MBNL2: variants seen among roughly 807,000 people sequenced by gnomAD.
The protein encoded by MBNL2 is muscleblind-like protein 2.
MBNL2 carries 17 observed loss-of-function variants against 41.9 expected under a neutral mutation model. The observed-to-expected ratio is 0.41, with a 90% CI of 0.28 to 0.61. The LOEUF is 0.61. MBNL2 is among the 20% of genes least tolerant of loss of function. The pLI is 0.35. For synonymous variants in MBNL2, 195 were observed against 182.9 expected (o/e 1.07, Z -0.53); for missense variants, 336 against 505.6 (o/e 0.66, Z 3.22).
the MBNL2 span, among the ~76,000 whole-genome samples, chr13:97,168,461 C>T: frequency 3.3e-5 from 5 of 152,108 alleles, no homozygotes; most frequent in South Asian, 1.0e-3. Flanking sequence ...TTTTGCACTC[C>T]CCATCCTTAT....
intron 2 of MBNL2, among the ~76,000 whole-genome samples, chr13:97,295,336 T>C (rs1258316436): frequency 6.6e-6 from 1 of 151,846 alleles, no homozygotes; most frequent in Non-Finnish European, 1.5e-5. Context: ...TTTTTTTTTC[T>C]ATACCAAAGA....
the MBNL2 span, among the ~76,000 whole-genome samples, chr13:97,198,796 T>G: frequency 6.6e-6 from 1 of 152,118 alleles, no homozygotes; most frequent in Non-Finnish European, 1.5e-5. Flanking sequence ...TCAAAATATA[T>G]GCAGACCCTC....
the MBNL2 span, among the ~76,000 whole-genome samples, chr13:97,164,998 G>C: frequency 6.6e-6 from 1 of 152,178 alleles, no homozygotes; most frequent in African/African-American, 2.4e-5. Context: ...GCGGTCAGGA[G>C]TTCAAGACAA....
chr13:97,154,290 AT>A, the MBNL2 span, among the ~76,000 whole-genome samples: 13 of 151,998 alleles, frequency 8.6e-5, no homozygotes, highest in East Asian at 2.5e-3. Flanking sequence ...TTTTAACCCC[AT>A]TTTTTACCCG....
chr13:97,363,748 G>A (rs967156305), intron 7 of MBNL2, among the ~76,000 whole-genome samples: 1 of 152,126 alleles, frequency 6.6e-6, no homozygotes, highest in African/African-American at 2.4e-5. Context: ...GCTGGAGAAA[G>A]GTTTAAGTTG....
In MBNL2 at chr13:97,250,290, C is replaced by T. The variant is rs114949196; in HGVS notation, c.-604-25342C>T. 3.2e-3 allele frequency among the ~76,000 whole-genome samples: 490 copies of T among 152,254 alleles called. 1 individual carries two copies. The highest frequency in any genetic ancestry group is 9.6e-3 in the African/African-American group (399 of 41,568). ...TCATTGGTTCTATTTTATTTGCTGACAGTGCACTTTACTGCATCAAATTCA... is the reference window on the plus strand; with the variant it reads ...TCATTGGTTCTATTTTATTTGCTGATAGTGCACTTTACTGCATCAAATTCA... On this transcript the variant is annotated intron_variant, in intron 1 of 8. Transcript: ENST00000679496.
intron 1 of MBNL2, among the ~76,000 whole-genome samples, chr13:97,258,660 C>T (rs1183818924): frequency 6.6e-6 from 1 of 152,200 alleles, no homozygotes; most frequent in Non-Finnish European, 1.5e-5. Flanking sequence ...GTCTTCTGAA[C>T]CCTTGGATCC....
chr13:97,294,571 G>A (rs1424340091), intron 2 of MBNL2, among the ~76,000 whole-genome samples: 2 of 152,154 alleles, frequency 1.3e-5, no homozygotes, highest in East Asian at 3.8e-4. Context: ...TATTCCTTCG[G>A]GGACTTATGG....
the MBNL2 span, among the ~76,000 whole-genome samples, chr13:97,146,943 T>G: frequency 6.6e-6 from 1 of 152,236 alleles, no homozygotes; most frequent in Non-Finnish European, 1.5e-5. Context: ...GGGTTCCTGC[T>G]ATGCTATGGA....
chr13:97,160,592 A>G, the MBNL2 span, among the ~76,000 whole-genome samples: 11 of 152,144 alleles, frequency 7.2e-5, no homozygotes, highest in African/African-American at 2.7e-4. Context: ...ACACATACCC[A>G]TAAAATTAGG....
chr13:97,165,823 T>C, the MBNL2 span, among the ~76,000 whole-genome samples: 1 of 151,952 alleles, frequency 6.6e-6, no homozygotes, highest in Non-Finnish European at 1.5e-5. Flanking sequence ...CCTTGTCTAG[T>C]CTCTTTATTT....
chr13:97,389,934 G>A (rs1472064331), intron 8 of MBNL2, among the ~76,000 whole-genome samples: 2 of 151,610 alleles, frequency 1.3e-5, no homozygotes, highest in East Asian at 1.9e-4. Context: ...TTACCTATTG[G>A]CAATGATAAT....
intron 1 of MBNL2, among the ~76,000 whole-genome samples, chr13:97,248,107 T>C (rs1265598154): frequency 1.3e-5 from 2 of 152,226 alleles, no homozygotes; most frequent in Non-Finnish European, 2.9e-5. Flanking sequence ...TATACGTATG[T>C]GTGTGTATAC....
Position 97,391,482 on chromosome 13 carries a change from C to A in MBNL2, c.*33C>A. ...TGTAGTTCTTCTGGACAGACCACAA[C>A]TCTAAGAAGCTAGTGCTGCTATCTC... On this transcript the variant is annotated 3_prime_UTR_variant, in exon 9 of 9. Transcript: ENST00000679496. 2 of 879,574 alleles carry A rather than the reference C, an allele frequency of 2.3e-6. No homozygotes were observed. The highest frequency in any genetic ancestry group is 3.9e-6 in the Non-Finnish European group (2 of 513,424). 54.5% of individuals were successfully genotyped at this position (879,574 alleles called of 1,614,324 possible).
chr13:97,213,317 A>G, the MBNL2 span, among the ~76,000 whole-genome samples: 2 of 152,320 alleles, frequency 1.3e-5, no homozygotes, highest in African/African-American at 4.8e-5. Flanking sequence ...GAACAGGAAA[A>G]AAAAACCATT....
intron 1 of MBNL2, among the ~76,000 whole-genome samples, chr13:97,251,715 G>A (rs1196763976): frequency 6.6e-6 from 1 of 151,810 alleles, no homozygotes; most frequent in Non-Finnish European, 1.5e-5. Flanking sequence ...GGTGAATAGA[G>A]CAAGTTGAGT....
At chr13:97,173,356 C>G in the MBNL2 span, among the ~76,000 whole-genome samples, 5 of 152,214 alleles carry the variant, frequency 3.3e-5, no homozygotes, top group Admixed American at 6.5e-5. Flanking sequence ...ACTGTCTTCT[C>G]TAATACAAAG....
At chr13:97,216,991 A>G (rs1594048266), upstream of MBNL2, among the ~76,000 whole-genome samples, 1 of 148,758 alleles carries the variant, frequency 6.7e-6, no homozygotes, top group Middle Eastern at 3.3e-3. Flanking sequence ...CATAATATAT[A>G]CGTAATACAT....
At chr13:97,249,557 A>G (rs567974105) in intron 1 of MBNL2, among the ~76,000 whole-genome samples, 30 of 152,326 alleles carry the variant, frequency 2.0e-4, no homozygotes, top group Middle Eastern at 3.4e-3. Context: ...AGATATCATT[A>G]TTTATTTTAG....
Sources: gnomAD v4.1 joint callset for allele counts (sites outside exome capture counted in the v4.1 genomes callset) on GRCh38, gnomAD v4.1.1 for gene constraint, MANE v1.5 for transcripts, NCBI Gene and HGNC (gene_info 2026-07-23, HGNC 2026-07-21) for gene names.